Variants in USH2A observed in about 807,000 individuals in gnomAD.
The protein encoded by USH2A is Usher syndrome 2A (autosomal recessive, mild).
In USH2A, 443 loss-of-function variants were observed where a neutral mutation model predicts 538.9. That is an observed-to-expected ratio of 0.82 (90% CI 0.76 to 0.89). The LOEUF (loss-of-function observed/expected upper bound fraction) is 0.89, where lower values mean the gene tolerates loss of function less well. Ranked by LOEUF, USH2A falls within the 40% of genes least tolerant of loss-of-function variation. USH2A has a pLI of 0.00. For missense variants in USH2A, 6,633 were observed against 6,324.8 expected, an observed-to-expected ratio of 1.05 and a Z score of -1.65; for synonymous variants, 2,413 against 2,273.5, an observed-to-expected ratio of 1.06 and a Z score of -1.75.
At chr1:215,962,253 A>C (rs1667220084) in intron 37 of USH2A, among the ~76,000 whole-genome samples, 1 of 152,106 alleles carries the variant, frequency 6.6e-6, no homozygotes, top group Admixed American at 6.6e-5. Context: ...ATTTGACAGT[A>C]TCTTACAAAG....
At chr1:215,654,214 A>G (rs1657171751) in intron 64 of USH2A, among the ~76,000 whole-genome samples, 1 of 152,112 alleles carries the variant, frequency 6.6e-6, no homozygotes, top group Non-Finnish European at 1.5e-5. Context: ...GTACACGTGA[A>G]CAACGTGCAG....
chr1:215,667,486 T>C (rs1429050533), intron 64 of USH2A, among the ~76,000 whole-genome samples: 1 of 151,916 alleles, frequency 6.6e-6, no homozygotes, highest in Non-Finnish European at 1.5e-5. Context: ...ATCACGAAGT[T>C]AGGAGTTCAA....
At chr1:215,979,516 G>C (rs1305227129) in intron 35 of USH2A, among the ~76,000 whole-genome samples, 1 of 152,098 alleles carries the variant, frequency 6.6e-6, no homozygotes, top group African/African-American at 2.4e-5. Context: ...GACTGGAGTA[G>C]GGAAGCCCAT....
chr1:216,071,999 T>A (rs1451533017), intron 29 of USH2A, among the ~76,000 whole-genome samples: 6 of 152,190 alleles, frequency 3.9e-5, no homozygotes, highest in African/African-American at 7.2e-5. Context: ...TTTAATTATA[T>A]TTTAGATTAA....
intron 21 of USH2A, among the ~76,000 whole-genome samples, chr1:216,127,521 A>T (rs2033279271): frequency 6.6e-6 from 1 of 152,158 alleles, no homozygotes; most frequent in Non-Finnish European, 1.5e-5. Flanking sequence ...GATTTGTTTC[A>T]GGAGAAAACT....
intron 21 of USH2A, among the ~76,000 whole-genome samples, chr1:216,139,095 A>T (rs1379231992): frequency 2.0e-5 from 3 of 151,960 alleles, no homozygotes; most frequent in African/African-American, 7.3e-5. Context: ...CATTCTTTCA[A>T]TTCTGATTAT....
chr1:215,764,597 A>G (rs1661074848), intron 56 of USH2A, among the ~76,000 whole-genome samples: 1 of 152,172 alleles, frequency 6.6e-6, no homozygotes, highest in Admixed American at 6.5e-5. Context: ...AAGTGAAAAG[A>G]GCTCAGCTTG....
chr1:216,292,724 C>A (rs996383265), intron 9 of USH2A, among the ~76,000 whole-genome samples: 2 of 152,000 alleles, frequency 1.3e-5, no homozygotes, highest in Non-Finnish European at 1.5e-5. Context: ...GACATCTATC[C>A]CCTCAAGTGT....
At chr1:215,771,206 A>C (rs72742726) in intron 55 of USH2A, among the ~76,000 whole-genome samples, 6,303 of 151,984 alleles carry the variant, frequency 0.041, 150 homozygotes, top group South Asian at 0.064. Context: ...AATGTGGCCC[A>C]GAGCAACTGG....
intron 3 of USH2A, among the ~76,000 whole-genome samples, chr1:216,383,886 A>C (rs1197041573): frequency 2.9e-5 from 4 of 136,346 alleles, no homozygotes; most frequent in Non-Finnish European, 6.1e-5. Flanking sequence ...TTTTTTGTAG[A>C]GATGACGTCT....
At chr1:215,885,040 T>C (rs1665010674) in intron 41 of USH2A, among the ~76,000 whole-genome samples, 1 of 152,128 alleles carries the variant, frequency 6.6e-6, no homozygotes, top group Non-Finnish European at 1.5e-5. Context: ...TTTTGGTGCA[T>C]CATAGTCATG....
intron 61 of USH2A, among the ~76,000 whole-genome samples, chr1:215,712,256 G>C (rs936642104): frequency 1.3e-5 from 2 of 152,192 alleles, no homozygotes; most frequent in Non-Finnish European, 2.9e-5. Flanking sequence ...TTATAAATCA[G>C]ATATTAAACA....
intron 37 of USH2A, among the ~76,000 whole-genome samples, chr1:215,955,355 A>G (rs1276796465): frequency 6.6e-6 from 1 of 152,198 alleles, no homozygotes; most frequent in African/African-American, 2.4e-5. Flanking sequence ...TTAAATGTCT[A>G]ACAAATTTAG....
chr1:216,118,380 C>G (rs140778939), intron 21 of USH2A, among the ~76,000 whole-genome samples: 1 of 151,974 alleles, frequency 6.6e-6, no homozygotes, highest in Non-Finnish European at 1.5e-5. Flanking sequence ...CTGCAAAGTC[C>G]AAGAAAAAAG....
chr1:215,754,635 C>T lies in USH2A; in HGVS notation c.11389+3960G>A, dbSNP rs373270896. On this transcript the variant is annotated intron_variant, in intron 58 of 71. Transcript: ENST00000307340. ...AAAGAAGATTAATTGTCTTGGGCCA[C>T]ATATAAAACACACTAACACTAACAA... 7.9e-5 allele frequency among the ~76,000 whole-genome samples: 12 copies of T among 152,168 alleles called. No homozygotes were observed. In the South Asian group the frequency reaches 2.3e-3, roughly 29 times the overall value.
intron 21 of USH2A, among the ~76,000 whole-genome samples, chr1:216,126,701 T>G (rs982341146): frequency 6.6e-6 from 1 of 152,098 alleles, no homozygotes; most frequent in Non-Finnish European, 1.5e-5. Context: ...ATAATAATAA[T>G]AATAATAAAA....
chr1:216,224,385 A>G (rs1049648335), intron 14 of USH2A, among the ~76,000 whole-genome samples: 1 of 152,016 alleles, frequency 6.6e-6, no homozygotes, highest in Non-Finnish European at 1.5e-5. Context: ...ACTTTTTTGC[A>G]TTATTGATTT....
At chr1:216,152,373 C>A (rs960857292) in intron 21 of USH2A, among the ~76,000 whole-genome samples, 1 of 152,094 alleles carries the variant, frequency 6.6e-6, no homozygotes, top group Admixed American at 6.5e-5. Flanking sequence ...CCGGTCCTTG[C>A]CTTAACTTAT....
intron 22 of USH2A, among the ~76,000 whole-genome samples, chr1:216,094,558 A>G (rs1356728922): frequency 6.6e-6 from 1 of 152,170 alleles, no homozygotes; most frequent in Non-Finnish European, 1.5e-5. Context: ...TCTATCATTA[A>G]ATATTTAGGC....
Sources: allele counts gnomAD v4.1 joint callset (sites outside exome capture counted in the v4.1 genomes callset), GRCh38; gene constraint gnomAD v4.1.1; transcripts MANE v1.5; gene names NCBI Gene and HGNC (gene_info 2026-07-23, HGNC 2026-07-21).